AOPEP: variants seen among roughly 807,000 people sequenced by gnomAD.
The protein encoded by AOPEP is aminopeptidase O (putative).
Under a neutral mutation model 98.1 loss-of-function variants are expected in AOPEP, and 77 were observed. The ratio of observed to expected loss-of-function variants is 0.78; its 90% CI spans 0.65 to 0.95. The LOEUF (loss-of-function observed/expected upper bound fraction) is 0.95. Among genes scored for constraint, AOPEP ranks in the 40% least tolerant of loss-of-function variants. AOPEP has a pLI of 0.00. For missense variants in AOPEP, 1,024 were observed against 1,024.7 expected, an observed-to-expected ratio of 1.00 and a Z score of 0.01; for synonymous variants, 346 against 365.3, an observed-to-expected ratio of 0.95 and a Z score of 0.60.
intron 3 of AOPEP, among the ~76,000 whole-genome samples, chr9:94,778,927 G>T (rs976374961): frequency 2.6e-5 from 4 of 152,130 alleles, no homozygotes; most frequent in African/African-American, 9.6e-5. Flanking sequence ...TACTCAGGAG[G>T]CTGAGGCAAG....
At chr9:94,977,756 T>C (rs903003199) in intron 10 of AOPEP, among the ~76,000 whole-genome samples, 1 of 152,208 alleles carries the variant, frequency 6.6e-6, no homozygotes, top group Admixed American at 6.5e-5. Flanking sequence ...CAGGCCTTTC[T>C]GTGAGGTCTG....
intron 6 of AOPEP, among the ~76,000 whole-genome samples, chr9:94,926,751 C>G (rs1342963276): frequency 6.7e-6 from 1 of 149,514 alleles, no homozygotes; most frequent in South Asian, 2.1e-4. Context: ...ACTTTGCTGC[C>G]TGGGAGACTG....
the AOPEP span, among the ~76,000 whole-genome samples, chr9:95,139,581 C>T: frequency 5.8e-4 from 88 of 152,076 alleles, no homozygotes; most frequent in African/African-American, 2.0e-3. Flanking sequence ...TTCAAATGAG[C>T]TGGATCTGTG....
At chr9:94,852,791 G>A (rs1188382163) in intron 5 of AOPEP, among the ~76,000 whole-genome samples, 1 of 152,194 alleles carries the variant, frequency 6.6e-6, no homozygotes, top group African/African-American at 2.4e-5. Flanking sequence ...TCATCTTTAA[G>A]ATTATATATA....
At chr9:94,977,949 A>C (rs1274497710) in intron 10 of AOPEP, among the ~76,000 whole-genome samples, 1 of 152,196 alleles carries the variant, frequency 6.6e-6, no homozygotes, top group East Asian at 1.9e-4. Flanking sequence ...TGCCTTTTTA[A>C]GCAGCCTTTC....
At chr9:95,120,965 A>G in the AOPEP span, among the ~76,000 whole-genome samples, 1 of 152,036 alleles carries the variant, frequency 6.6e-6, no homozygotes, top group Non-Finnish European at 1.5e-5. Context: ...CTGGCCCCAC[A>G]CTGCCTGCCT....
chr9:94,890,212 T>C (rs12683036), intron 5 of AOPEP, among the ~76,000 whole-genome samples: 1 of 148,662 alleles, frequency 6.7e-6, no homozygotes, highest in Non-Finnish European at 1.5e-5. Flanking sequence ...GGTTTTTTTG[T>C]TTTTTTTTGA....
chr9:95,093,820 G>A, the AOPEP span, among the ~76,000 whole-genome samples: 1 of 152,296 alleles, frequency 6.6e-6, no homozygotes, highest in African/African-American at 2.4e-5. Context: ...GAGAGGCAGT[G>A]ACACCCCACC....
At chr9:94,801,999 G>A (rs1049843065) in intron 5 of AOPEP, among the ~76,000 whole-genome samples, 1 of 152,186 alleles carries the variant, frequency 6.6e-6, no homozygotes, top group Non-Finnish European at 1.5e-5. Flanking sequence ...GTACTTTAAA[G>A]ACTGGCTGGC....
chr9:94,886,161 A>G (rs1211315635), intron 5 of AOPEP, among the ~76,000 whole-genome samples: 1 of 152,024 alleles, frequency 6.6e-6, no homozygotes, highest in Non-Finnish European at 1.5e-5. Flanking sequence ...TAGAAAATTG[A>G]TGAAAAAGCT....
rs557093014 is a variant in AOPEP at position 94,789,114 on chromosome 9, G to A, written c.965-3651G>A. 4.6e-5 allele frequency among the ~76,000 whole-genome samples: 7 copies of A among 152,322 alleles called. No individual in the cohort carries two copies. The South Asian group carries it at 8.3e-4, about 18-fold the overall frequency. On this transcript the variant is annotated intron_variant, in intron 3 of 16. Transcript: ENST00000375315. ...ATTCAGGTCTGGATTCAGGTCTGCT[G>A]TGTCATTTGCCACTCTGCCATCTGC... is the stretch of plus-strand genomic sequence containing the variant.
intron 13 of AOPEP, among the ~76,000 whole-genome samples, chr9:95,024,175 G>A (rs980578957): frequency 1.3e-5 from 2 of 152,174 alleles, no homozygotes; most frequent in African/African-American, 4.8e-5. Flanking sequence ...ATCCAGGCAG[G>A]TTGTTGTTTT....
intron 5 of AOPEP, among the ~76,000 whole-genome samples, chr9:94,873,084 C>T (rs539124415): frequency 1.3e-5 from 2 of 151,484 alleles, no homozygotes; most frequent in African/African-American, 4.9e-5. Flanking sequence ...AAAGAGAAGG[C>T]AACAAGGAAA....
chr9:95,083,476 G>GGCACACGCA (rs959654732), intron 16 of AOPEP, among the ~76,000 whole-genome samples: 4 of 142,616 alleles, frequency 2.8e-5, no homozygotes, highest in Admixed American at 7.1e-5. Flanking sequence ...GAGCACACGC[G>GGCACACGCA]GCACACGCAG....
intron 9 of AOPEP, among the ~76,000 whole-genome samples, chr9:94,960,885 G>A (rs1415613549): frequency 1.3e-5 from 2 of 152,002 alleles, no homozygotes; most frequent in Non-Finnish European, 2.9e-5. Context: ...GGTGGGGGGC[G>A]CCTGTAGTCC....
intron 5 of AOPEP, among the ~76,000 whole-genome samples, chr9:94,818,930 C>T (rs1852331029): frequency 6.6e-6 from 1 of 152,166 alleles, no homozygotes. Flanking sequence ...GGAGGCCGGG[C>T]TTCCAGTGAG....
the AOPEP span, among the ~76,000 whole-genome samples, chr9:95,111,856 G>A: frequency 6.6e-6 from 1 of 152,206 alleles, no homozygotes; most frequent in Non-Finnish European, 1.5e-5. Context: ...CCCCCGTGAG[G>A]CCTGAGGCCT....
intron 13 of AOPEP, among the ~76,000 whole-genome samples, chr9:95,013,752 A>G (rs1020995078): frequency 1.3e-5 from 2 of 152,208 alleles, no homozygotes; most frequent in Non-Finnish European, 2.9e-5. Flanking sequence ...CATGTCAGCT[A>G]AATAAGAAAT....
intron 7 of AOPEP, among the ~76,000 whole-genome samples, chr9:94,946,302 G>A (rs1250996202): frequency 6.6e-6 from 1 of 152,106 alleles, no homozygotes; most frequent in Admixed American, 6.6e-5. Context: ...AATATATTCC[G>A]GGCTGTACAG....
Sources: allele counts gnomAD v4.1 joint callset (sites outside exome capture counted in the v4.1 genomes callset), GRCh38; gene constraint gnomAD v4.1.1; transcripts MANE v1.5; gene names NCBI Gene and HGNC (gene_info 2026-07-23, HGNC 2026-07-21).